PRKG1: variants seen among roughly 807,000 people sequenced by gnomAD.
PRKG1 encodes the protein protein kinase cGMP-dependent 1, also known as cGMP-dependent protein kinase 1.
A neutral mutation model predicts 88.1 loss-of-function variants in PRKG1; 35 were observed. That is an observed-to-expected ratio of 0.40 (90% CI 0.30 to 0.53). The LOEUF is 0.53. Ranked by LOEUF, PRKG1 falls within the 20% of genes least tolerant of loss-of-function variation. The probability of loss-of-function intolerance (pLI) is 0.59; values close to 1 mark genes in which losing one functional copy is unlikely to be tolerated. For synonymous variants in PRKG1, 303 were observed against 292.5 expected, an observed-to-expected ratio of 1.04 and a Z score of -0.37; for missense variants, 540 against 839.8, an observed-to-expected ratio of 0.64 and a Z score of 4.41.
intron 5 of PRKG1, among the ~76,000 whole-genome samples, chr10:51,990,337 G>A (rs1043338774): frequency 4.6e-5 from 7 of 151,978 alleles, no homozygotes; most frequent in Non-Finnish European, 1.0e-4. Flanking sequence ...TTTGTACAAT[G>A]TTAGGATTGT....
chr10:51,417,095 C>T (rs1838262957), intron 2 of PRKG1, among the ~76,000 whole-genome samples: 1 of 152,126 alleles, frequency 6.6e-6, no homozygotes, highest in Non-Finnish European at 1.5e-5. Context: ...AACATATTTT[C>T]ACTTTTAACC....
At chr10:51,832,951 A>T (rs1027725150) in intron 4 of PRKG1, among the ~76,000 whole-genome samples, 3 of 152,212 alleles carry the variant, frequency 2.0e-5, no homozygotes, top group African/African-American at 7.2e-5. Flanking sequence ...CTCCTGTGAT[A>T]TGAATAAATC....
At chr10:51,079,876 G>C (rs1844062730) in intron 1 of PRKG1, among the ~76,000 whole-genome samples, 1 of 152,156 alleles carries the variant, frequency 6.6e-6, no homozygotes, top group Non-Finnish European at 1.5e-5. Context: ...AAGAAACCAA[G>C]TTCCAAGTTC....
intron 5 of PRKG1, among the ~76,000 whole-genome samples, chr10:51,948,070 A>G (rs1370399231): frequency 6.6e-6 from 1 of 151,762 alleles, no homozygotes; most frequent in East Asian, 1.9e-4. Context: ...TATTTTTTTC[A>G]TTATATATTT....
At chr10:52,054,283 G>C (rs1232146769) in intron 5 of PRKG1, among the ~76,000 whole-genome samples, 1 of 151,976 alleles carries the variant, frequency 6.6e-6, no homozygotes, top group Non-Finnish European at 1.5e-5. Context: ...AATAAAAAAA[G>C]AAAATGAGCA....
chr10:51,395,151 A>G (rs927602450), intron 2 of PRKG1, among the ~76,000 whole-genome samples: 1 of 152,126 alleles, frequency 6.6e-6, no homozygotes, highest in Admixed American at 6.5e-5. Context: ...GAGTCCAGAG[A>G]CTAATTCCTC....
intron 5 of PRKG1, among the ~76,000 whole-genome samples, chr10:52,006,630 A>G (rs1844743146): frequency 6.6e-6 from 1 of 152,206 alleles, no homozygotes. Context: ...ATGGGATTAC[A>G]TATAAAGACC....
intron 4 of PRKG1, among the ~76,000 whole-genome samples, chr10:51,822,232 T>G (rs1284850598): frequency 6.6e-6 from 1 of 151,986 alleles, no homozygotes; most frequent in Non-Finnish European, 1.5e-5. Context: ...CAATGAAATA[T>G]TATTGAGCCT....
intron 17 of PRKG1, among the ~76,000 whole-genome samples, chr10:52,293,516 C>A (rs997931588): frequency 1.3e-5 from 2 of 152,148 alleles, no homozygotes; most frequent in African/African-American, 2.4e-5. Flanking sequence ...CTTATACTTT[C>A]ATGGCATCTT....
rs1018326711 is a variant in PRKG1 at position 52,206,801 on chromosome 10, G to A, written c.1077-44769G>A. The stretch of plus-strand genomic sequence containing the variant: ...GAACCTGCTGCACTGGAGAGGCTGA[G>A]GAGTTTCCATTTTGCTGGCCACAAC... On this transcript the variant is annotated intron_variant, in intron 9 of 17. Coordinates refer to ENST00000373980, the MANE Select transcript of PRKG1 (RefSeq NM_006258.4). Among the ~76,000 whole-genome samples the A allele has an allele frequency of 3.3e-5, 5 of 152,286 alleles. No homozygotes were observed. The East Asian group carries it at 9.7e-4, about 30-fold the overall frequency.
Position 52,128,124 on chromosome 10 carries a change from T to A in PRKG1, c.936-5716T>A, listed in dbSNP as rs999861747. On this transcript the variant is annotated intron_variant, in intron 7 of 17. Coordinates refer to ENST00000373980, the MANE Select transcript of PRKG1 (RefSeq NM_006258.4). ...TTGTGCTGTGTGAACTAAACTTAAC[T>A]GGGGACATTAAACTGCTGCACATGA... 4 of 985,266 alleles carry A rather than the reference T, an allele frequency of 4.1e-6. No homozygotes were observed. In the African/African-American group the frequency reaches 7.0e-5, roughly 17 times the overall value. The allele number at this position is 985,266 out of a possible 1,614,324, so 61.0% of individuals were successfully genotyped here. A position where few individuals can be genotyped will look rare whatever the true frequency, so the allele number is the denominator to read the frequency against.
chr10:51,783,146 A>T (rs1006974227), intron 3 of PRKG1, among the ~76,000 whole-genome samples: 2 of 152,102 alleles, frequency 1.3e-5, no homozygotes, highest in Non-Finnish European at 2.9e-5. Context: ...ATTTTCCTTC[A>T]GGTTTTGAAT....
chr10:51,110,348 A>G (rs1161431571), intron 1 of PRKG1, among the ~76,000 whole-genome samples: 1 of 152,186 alleles, frequency 6.6e-6, no homozygotes, highest in Non-Finnish European at 1.5e-5. Flanking sequence ...ATATGCACAC[A>G]TGAAATACTA....
chr10:51,600,220 A>C (rs575996313), intron 3 of PRKG1, among the ~76,000 whole-genome samples: 59 of 152,086 alleles, frequency 3.9e-4, no homozygotes, highest in African/African-American at 1.4e-3. Flanking sequence ...TCTGCCTTAG[A>C]TGGTCATTTG....
chr10:52,145,241 A>C (rs1837699023), intron 8 of PRKG1, among the ~76,000 whole-genome samples: 1 of 152,176 alleles, frequency 6.6e-6, no homozygotes, highest in Non-Finnish European at 1.5e-5. Context: ...CCAATGAATA[A>C]ATAATTCATT....
chr10:51,693,471 G>A (rs1032541452), intron 3 of PRKG1, among the ~76,000 whole-genome samples: 36 of 151,600 alleles, frequency 2.4e-4, no homozygotes, highest in Non-Finnish European at 1.3e-4. Context: ...GCACAATCTC[G>A]ACTCACTTCA....
At chr10:51,020,852 T>C (rs924975462) in intron 1 of PRKG1, among the ~76,000 whole-genome samples, 1 of 152,064 alleles carries the variant, frequency 6.6e-6, no homozygotes, top group Non-Finnish European at 1.5e-5. Flanking sequence ...TCAAAATTGA[T>C]TTATCCATTG....
At chr10:51,344,961 A>G (rs1043832649) in intron 2 of PRKG1, among the ~76,000 whole-genome samples, 3 of 152,220 alleles carry the variant, frequency 2.0e-5, no homozygotes, top group African/African-American at 4.8e-5. Flanking sequence ...GTATATATAC[A>G]TACAAATAAC....
chr10:51,452,984 G>C (rs1160883712), intron 2 of PRKG1, among the ~76,000 whole-genome samples: 1 of 151,794 alleles, frequency 6.6e-6, no homozygotes, highest in Non-Finnish European at 1.5e-5. Flanking sequence ...TTATTGGTCT[G>C]CTCAGAATTT....
Sources: allele counts gnomAD v4.1 joint callset (sites outside exome capture counted in the v4.1 genomes callset), GRCh38; gene constraint gnomAD v4.1.1; transcripts MANE v1.5; gene names NCBI Gene and HGNC (gene_info 2026-07-23, HGNC 2026-07-21).